CACNA1A: variants seen among roughly 807,000 people sequenced by gnomAD.
CACNA1A encodes voltage-dependent P/Q-type calcium channel subunit alpha-1A.
Under a neutral mutation model 262.4 loss-of-function variants are expected in CACNA1A, and 57 were observed. The ratio of observed to expected loss-of-function variants is 0.22; its 90% CI spans 0.18 to 0.27. CACNA1A has a LOEUF of 0.27. Ranked by LOEUF, CACNA1A falls within the 10% of genes least tolerant of loss-of-function variation. The pLI is 1.00. For synonymous variants in CACNA1A, 1,431 were observed against 1,419.3 expected (o/e 1.01, Z -0.18); for missense variants, 2,526 against 3,562.8 (o/e 0.71, Z 7.41).
At chr19:13,351,135 C>T (rs537237219) in intron 6 of CACNA1A, among the ~76,000 whole-genome samples, 94 of 152,284 alleles carry the variant, frequency 6.2e-4, no homozygotes, top group Non-Finnish European at 1.2e-3. Context: ...CGCTATAAAA[C>T]TTCTATTTTC....
chr19:13,416,686 G>A (rs2060228213), intron 3 of CACNA1A, among the ~76,000 whole-genome samples: 1 of 152,012 alleles, frequency 6.6e-6, no homozygotes, highest in Non-Finnish European at 1.5e-5. Context: ...GTGTTGGCGG[G>A]CGCCTGTAAT....
At chr19:13,345,555 G>A (rs1056986142) in intron 6 of CACNA1A, among the ~76,000 whole-genome samples, 4 of 151,960 alleles carry the variant, frequency 2.6e-5, no homozygotes, top group South Asian at 2.1e-4. Context: ...TCTGTTTTAT[G>A]GTTTATTTTC....
intron 1 of CACNA1A, among the ~76,000 whole-genome samples, chr19:13,458,585 G>GT (rs1232468162): frequency 1.3e-5 from 2 of 152,178 alleles, no homozygotes; most frequent in African/African-American, 4.8e-5. Flanking sequence ...CGTCCAGTAA[G>GT]TATCTCTAGA....
rs1401183344 is a variant in CACNA1A at position 13,245,197 on chromosome 19, G to A, written c.4935C>T (p.Leu1645=). The A allele has an allele frequency of 4.3e-6, 7 of 1,613,534 alleles. No homozygotes were observed. The highest frequency in any genetic ancestry group is 2.2e-5 in the East Asian group (1 of 44,900). The stretch of plus-strand genomic sequence containing the variant: ...GGAGACTTACCCCAAACTCAGTCAC[G>A]AGGATATCGGTGATGCTGCCCAGAA... ...VTVLGSITDI[L]VTEFGNNFIN... Residue 1645 remains leucine, a synonymous_variant, in exon 31 of 47, where the codon CTC becomes CTT. Transcript: ENST00000360228.
intron 30 of CACNA1A, among the ~76,000 whole-genome samples, chr19:13,247,727 A>AAT (rs1405180087): frequency 6.6e-6 from 1 of 151,440 alleles, no homozygotes; most frequent in Non-Finnish European, 1.5e-5. Context: ...TAAATAAATA[A>AAT]ATAAATAAAT....
At chr19:13,447,471 G>C (rs937135095) in intron 3 of CACNA1A, among the ~76,000 whole-genome samples, 1 of 152,180 alleles carries the variant, frequency 6.6e-6, no homozygotes, top group African/African-American at 2.4e-5. Flanking sequence ...CTAGGTGTCT[G>C]TATTAGTCAA....
intron 11 of CACNA1A, among the ~76,000 whole-genome samples, chr19:13,314,002 T>A (rs776969096): frequency 6.6e-6 from 1 of 152,172 alleles, no homozygotes; most frequent in Non-Finnish European, 1.5e-5. Context: ...TAAAAAGTCT[T>A]GAGTAAGACA....
At chr19:13,445,305 TAG>T (rs2060789906) in intron 3 of CACNA1A, among the ~76,000 whole-genome samples, 1 of 152,190 alleles carries the variant, frequency 6.6e-6, no homozygotes, top group Non-Finnish European at 1.5e-5. Flanking sequence ...TTCCGTTTCA[TAG>T]AGTCATAAAA....
intron 1 of CACNA1A, among the ~76,000 whole-genome samples, chr19:13,494,260 TGAGA>T (rs1353332434): frequency 6.6e-6 from 1 of 152,216 alleles, no homozygotes; most frequent in Non-Finnish European, 1.5e-5. Context: ...TTTTTGTGGA[TGAGA>T]GAGTATACAT....
chr19:13,470,102 G>A (rs778256760), intron 1 of CACNA1A, among the ~76,000 whole-genome samples: 33 of 152,124 alleles, frequency 2.2e-4, no homozygotes, highest in East Asian at 1.9e-4. Flanking sequence ...GAAGACACCC[G>A]TGCATATTGG....
chr19:13,233,483 A>T (rs1033625970), intron 34 of CACNA1A, among the ~76,000 whole-genome samples: 15 of 152,098 alleles, frequency 9.9e-5, no homozygotes, highest in Non-Finnish European at 1.9e-4. Flanking sequence ...TTTAAAAATT[A>T]AAAAAATATA....
chr19:13,423,150 C>T (rs572895865), intron 3 of CACNA1A, among the ~76,000 whole-genome samples: 3 of 152,292 alleles, frequency 2.0e-5, no homozygotes, highest in African/African-American at 4.8e-5. Context: ...CCCTCTCTGA[C>T]GAACTTTCAG....
intron 26 of CACNA1A, chr19:13,261,099 G>A (rs2056724845): frequency 4.6e-6 from 1 of 216,568 alleles, no homozygotes; most frequent in Admixed American, 5.4e-5. Flanking sequence ...ACCCAGCTGA[G>A]GGTGTCATGT....
At chr19:13,245,820 T>TGCC (rs2056219326) in intron 30 of CACNA1A, among the ~76,000 whole-genome samples, 1 of 152,010 alleles carries the variant, frequency 6.6e-6, no homozygotes, top group Admixed American at 6.6e-5. Flanking sequence ...CACAGGTGCA[T>TGCC]GCCACCACAC....
chr19:13,320,081 A>G (rs1260946006), intron 10 of CACNA1A, among the ~76,000 whole-genome samples: 1 of 151,768 alleles, frequency 6.6e-6, no homozygotes, highest in Non-Finnish European at 1.5e-5. Flanking sequence ...CACCTTCTCA[A>G]CCCCAGTGGC....
intron 37 of CACNA1A, 192 bp from the exon 38 acceptor site, chr19:13,224,964 C>T (rs2055381912): frequency 1.8e-6 from 1 of 541,822 alleles, no homozygotes; most frequent in Admixed American, 3.1e-5. Context: ...GCACAAAAGG[C>T]TCTCTTGTAC....
At chr19:13,391,080 T>G (rs2144650309) in intron 3 of CACNA1A, among the ~76,000 whole-genome samples, 1 of 152,080 alleles carries the variant, frequency 6.6e-6, no homozygotes, top group African/African-American at 2.4e-5. Flanking sequence ...AGAGATGGGG[T>G]TTCACCATGT....
intron 38 of CACNA1A, among the ~76,000 whole-genome samples, chr19:13,223,724 CCTT>C (rs1182842973): frequency 1.3e-5 from 2 of 152,174 alleles, no homozygotes; most frequent in African/African-American, 4.8e-5. Flanking sequence ...CTTTGCCAGT[CCTT>C]CTGCCTGGAG....
intron 4 of CACNA1A, among the ~76,000 whole-genome samples, chr19:13,370,090 T>C (rs2059292380): frequency 6.6e-6 from 1 of 151,490 alleles, no homozygotes; most frequent in Non-Finnish European, 1.5e-5. Context: ...ACATAGTAAG[T>C]GCTTTTTAAT....
Sources: allele counts gnomAD v4.1 joint callset (sites outside exome capture counted in the v4.1 genomes callset), GRCh38; gene constraint gnomAD v4.1.1; transcripts MANE v1.5; gene names NCBI Gene and HGNC (gene_info 2026-07-23, HGNC 2026-07-21).